SMPD4: variants seen among roughly 807,000 people sequenced by gnomAD.
SMPD4 encodes the protein sphingomyelin phosphodiesterase 4.
In SMPD4, 58 loss-of-function variants were observed where a neutral mutation model predicts 97.8. The ratio of observed to expected loss-of-function variants is 0.59; its 90% confidence interval spans 0.48 to 0.74. The LOEUF (loss-of-function observed/expected upper bound fraction) is 0.74. Among genes scored for constraint, SMPD4 ranks in the 30% least tolerant of loss-of-function variants. The probability of loss-of-function intolerance (pLI) is 0.00; values close to 1 mark genes in which losing one functional copy is unlikely to be tolerated. For synonymous variants in SMPD4, 388 were observed against 450.0 expected, an observed-to-expected ratio of 0.86 and a Z score of 1.74; for missense variants, 853 against 1,080.5, an observed-to-expected ratio of 0.79 and a Z score of 2.95.
chr2:130,181,188 C>T (rs986764773), intron 1 of SMPD4: 32 of 1,021,872 alleles, frequency 3.1e-5, no homozygotes, highest in Non-Finnish European at 3.9e-5. Context: ...GGGACCCACA[C>T]CCGGCTCTTA....
intron 18 of SMPD4, 39 bp from the exon 19 acceptor site, chr2:130,153,210 GC>G (rs1223829295): frequency 8.7e-6 from 14 of 1,613,512 alleles, no homozygotes; most frequent in Non-Finnish European, 1.2e-5. Context: ...AGAAAACACA[GC>G]CCCACACACA....
chr2:130,177,199 G>A (rs1418698028), intron 1 of SMPD4, among the ~76,000 whole-genome samples: 1 of 152,222 alleles, frequency 6.6e-6, no homozygotes, highest in East Asian at 1.9e-4. Flanking sequence ...TCCTGCGTCA[G>A]CCTCCCAACT....
In SMPD4 at chr2:130,152,649, G is replaced by A. The variant is rs1465734506; in HGVS notation, c.2390C>T (p.Pro797Leu). ...GGTGAGCAGCAGCGTGCATGGGAGG[G>A]GCCCGACGCAGAACAGAGAGGCCAC... ...FFVASLFCVGPLPCTLLLTLG... is the reference protein window; with the variant it reads ...FFVASLFCVGLLPCTLLLTLG... Residue 797 changes from proline (P) to leucine (L), a missense_variant, in exon 20 of 20, where the codon CCC (proline) becomes CTC (leucine). This residue lies in a region of SMPD4 where 511 missense variants were observed against 608.1 expected (regional missense o/e 0.84). Coordinates refer to ENST00000680298, the MANE Select transcript of SMPD4 (RefSeq NM_017951.5). 2 of 1,561,566 alleles carry A rather than the reference G, an allele frequency of 1.3e-6. No homozygotes were observed. The highest frequency in any genetic ancestry group is 3.8e-5 in the Admixed American group (2 of 52,046).
In SMPD4 at chr2:130,181,597, G is replaced by A. The variant is rs772208116; in HGVS notation, c.-113C>T. Reference sequence around the variant, plus strand: ...CCATTCCGCCACGGCGCCGAAAGTCGTCATCAAGCTGCGCGCAGAGCCACG... The same window carrying A: ...CCATTCCGCCACGGCGCCGAAAGTCATCATCAAGCTGCGCGCAGAGCCACG... On this transcript the variant is annotated 5_prime_UTR_variant, in exon 1 of 20. In the 5' UTR this introduces an upstream ATG that the reference lacks. Coordinates refer to ENST00000680298, the MANE Select transcript of SMPD4 (RefSeq NM_017951.5). The A allele has an allele frequency of 1.2e-6, 2 of 1,601,878 alleles. No homozygotes were observed. The highest frequency in any genetic ancestry group is 1.7e-6 in the Non-Finnish European group (2 of 1,175,154).
intron 12 of SMPD4, chr2:130,156,925 T>C (rs561017381): frequency 2.8e-6 from 3 of 1,063,836 alleles, no homozygotes; most frequent in African/African-American, 1.6e-5. Flanking sequence ...CTCCGTCCCA[T>C]ACAAACAGCC....
At chr2:130,164,499 C>T in intron 9 of SMPD4, 54 bp from the exon 10 acceptor site, 1 of 1,448,982 alleles carries the variant, frequency 6.9e-7, no homozygotes, top group Middle Eastern at 1.7e-4. Context: ...GTCAGACCAT[C>T]CAGTGGGGAA....
intron 1 of SMPD4, 95 bp downstream of exon 1, chr2:130,181,435 T>G (rs1230354849): frequency 6.6e-7 from 1 of 1,519,460 alleles, no homozygotes; most frequent in Non-Finnish European, 8.8e-7. Context: ...GCCCGAGTCC[T>G]GGGGCTCGCG....
intron 11 of SMPD4, chr2:130,158,045 T>A (rs1687003772): frequency 4.6e-6 from 2 of 433,350 alleles, no homozygotes; most frequent in Admixed American, 9.2e-5. Flanking sequence ...GAGGCTAGGG[T>A]GGGAGGATCA....
chr2:130,161,480 C>A (rs766738759), intron 10 of SMPD4, among the ~76,000 whole-genome samples: 1 of 152,326 alleles, frequency 6.6e-6, no homozygotes, highest in East Asian at 1.9e-4. Context: ...CCAGCAGCCG[C>A]GGGCCAGCGC....
intron 9 of SMPD4, among the ~76,000 whole-genome samples, 178 bp from the exon 10 acceptor site, chr2:130,164,623 G>T (rs776506568): frequency 6.6e-6 from 1 of 152,086 alleles, no homozygotes; most frequent in Non-Finnish European, 1.5e-5. Context: ...ATGGGTAAGC[G>T]ACCTGAGGAT....
chr2:130,173,682 G>C, intron 3 of SMPD4, 26 bp from the exon 4 acceptor site: 2 of 1,613,374 alleles, frequency 1.2e-6, no homozygotes, highest in Non-Finnish European at 1.7e-6. Flanking sequence ...GTGAAGCCGC[G>C]TGCAGGACCA....
At chr2:130,161,899 A>T (rs549192443) in intron 10 of SMPD4, among the ~76,000 whole-genome samples, 1 of 152,308 alleles carries the variant, frequency 6.6e-6, no homozygotes, top group African/African-American at 2.4e-5. Flanking sequence ...ATAAGACATG[A>T]TTGATTCCTA....
At chr2:130,173,772 C>T (rs1573725179) in intron 3 of SMPD4, 116 bp from the exon 4 acceptor site, 1 of 1,380,966 alleles carries the variant, frequency 7.2e-7, no homozygotes, top group Middle Eastern at 2.5e-4. Context: ...CTGGCTAAGA[C>T]CTATGGGATC....
At chr2:130,164,188 C>G (rs537711204) in intron 10 of SMPD4, among the ~76,000 whole-genome samples, 186 bp downstream of exon 10, 2 of 152,232 alleles carry the variant, frequency 1.3e-5, no homozygotes, top group East Asian at 3.9e-4. Flanking sequence ...GGGTGCAATG[C>G]CCCCTGCCCG....
chr2:130,178,652 G>A (rs1441054783), intron 1 of SMPD4, among the ~76,000 whole-genome samples: 2 of 152,034 alleles, frequency 1.3e-5, no homozygotes, highest in African/African-American at 4.8e-5. Flanking sequence ...AAAATTAGCT[G>A]GGTGTGGTGG....
At chr2:130,171,780 A>G (rs1400426681) in intron 8 of SMPD4, among the ~76,000 whole-genome samples, 2 of 152,350 alleles carry the variant, frequency 1.3e-5, no homozygotes, top group Admixed American at 6.5e-5. Context: ...AAAGAGGGTC[A>G]GAGGTGCACA....
intron 1 of SMPD4, chr2:130,181,311 T>A: frequency 7.0e-7 from 1 of 1,420,460 alleles, no homozygotes; most frequent in Non-Finnish European, 9.2e-7. Context: ...CGGGACAGAG[T>A]GTACGAGCCG....
intron 3 of SMPD4, among the ~76,000 whole-genome samples, chr2:130,174,652 T>C (rs1688799345): frequency 6.6e-6 from 1 of 152,312 alleles, no homozygotes. Flanking sequence ...ACACTCCCCA[T>C]CTACCTCCAG....
chr2:130,176,223 C>T (rs1688965483), intron 2 of SMPD4, among the ~76,000 whole-genome samples: 1 of 152,178 alleles, frequency 6.6e-6, no homozygotes, highest in Non-Finnish European at 1.5e-5. Context: ...TATTAGAATA[C>T]TTCATATCTA....
Sources: allele counts gnomAD v4.1 joint callset (sites outside exome capture counted in the v4.1 genomes callset), GRCh38; gene constraint gnomAD v4.1.1; regional missense constraint gnomAD v4.1.1; transcripts MANE v1.5; gene names NCBI Gene and HGNC (gene_info 2026-07-23, HGNC 2026-07-21).